RORA: variants seen among roughly 807,000 people sequenced by gnomAD.
The protein encoded by RORA is nuclear receptor ROR-alpha.
Under a neutral mutation model 69.5 loss-of-function variants are expected in RORA, and 7 were observed. That is an observed-to-expected ratio of 0.10 (90% CI 0.06 to 0.19). RORA has a LOEUF of 0.19. Among genes scored for constraint, RORA ranks in the 10% least tolerant of loss-of-function variants. RORA has a pLI of 1.00. For synonymous variants in RORA, 261 were observed against 240.8 expected, an observed-to-expected ratio of 1.08 and a Z score of -0.78; for missense variants, 457 against 663.0, an observed-to-expected ratio of 0.69 and a Z score of 3.41.
intron 1 of RORA, among the ~76,000 whole-genome samples, chr15:60,911,827 A>C (rs1256352878): frequency 6.6e-6 from 1 of 150,892 alleles, no homozygotes; most frequent in East Asian, 2.0e-4. Context: ...AGCCTCCCAA[A>C]TAGCTGGGAT....
At chr15:61,032,085 C>A (rs1328499971) in intron 1 of RORA, among the ~76,000 whole-genome samples, 1 of 152,162 alleles carries the variant, frequency 6.6e-6, no homozygotes, top group Non-Finnish European at 1.5e-5. Context: ...GCATGTATGT[C>A]AAATTCAGCA....
At chr15:61,047,954 A>G (rs1897112420) in intron 1 of RORA, among the ~76,000 whole-genome samples, 1 of 152,218 alleles carries the variant, frequency 6.6e-6, no homozygotes, top group Non-Finnish European at 1.5e-5. Flanking sequence ...GGCAAAAATG[A>G]GCAACGTTAA....
At chr15:61,210,394 C>T (rs1452565719) in intron 1 of RORA, among the ~76,000 whole-genome samples, 3 of 151,984 alleles carry the variant, frequency 2.0e-5, no homozygotes, top group Non-Finnish European at 2.9e-5. Context: ...GGCAATAAGG[C>T]GAGTCTAAGA....
At chr15:61,196,558 G>A (rs1273912914) in intron 1 of RORA, among the ~76,000 whole-genome samples, 1 of 152,212 alleles carries the variant, frequency 6.6e-6, no homozygotes, top group East Asian at 1.9e-4. Context: ...GAGTACATGA[G>A]GCTAACGCAC....
chr15:60,772,089 G>C (rs1047534731), intron 1 of RORA, among the ~76,000 whole-genome samples: 5 of 151,748 alleles, frequency 3.3e-5, no homozygotes, highest in Non-Finnish European at 7.4e-5. Flanking sequence ...TTAAGTTCTA[G>C]GATACAAGTG....
At chr15:60,736,210 T>C (rs769225858) in intron 1 of RORA, among the ~76,000 whole-genome samples, 7 of 152,134 alleles carry the variant, frequency 4.6e-5, no homozygotes, top group East Asian at 3.9e-4. Flanking sequence ...TCCCAAAGTA[T>C]CCTGGAACAG....
Position 61,229,186 on chromosome 15 carries a change from G to T in RORA, c.33C>A (p.Ala11=), listed in dbSNP as rs748153562. The T allele has an allele frequency of 1.9e-6, 3 of 1,555,294 alleles. No homozygotes were observed. Among genetic ancestry groups the T allele is most frequent in the East Asian group, 4.8e-5 (2 of 41,714 alleles). The change falls in exon 1 of 11, where the codon GCC becomes GCA. Residue 11 remains alanine, a synonymous_variant. Coordinates refer to ENST00000335670, the MANE Select transcript of RORA (RefSeq NM_134261.3). MESAPAAPDP[A]ASEPGSSGAD... ...CGCCGCTGCTGCCTGGCTCGCTGGC[G>T]GCGGGGTCGGGGGCTGCCGGAGCTG...
chr15:60,898,527 A>C (rs975979151), intron 1 of RORA, among the ~76,000 whole-genome samples: 9 of 151,106 alleles, frequency 6.0e-5, no homozygotes, highest in African/African-American at 1.9e-4. Context: ...AAATAAATAA[A>C]TAAATAAATA....
chr15:61,013,243 G>A (rs909806388), intron 1 of RORA, among the ~76,000 whole-genome samples: 1 of 152,294 alleles, frequency 6.6e-6, no homozygotes, highest in Non-Finnish European at 1.5e-5. Context: ...AATCCAGCTC[G>A]TCACATCTTC....
rs77908292 is a variant in RORA, at chr15:61,206,483, T to C, written c.166+22570A>G. Reference sequence around the variant, plus strand: ...CACGACATCCCTGTTCTCAAGGATCTCATAACTTAGCCAGAGACTCCTACA... The same window carrying C: ...CACGACATCCCTGTTCTCAAGGATCCCATAACTTAGCCAGAGACTCCTACA... On this transcript the variant is annotated intron_variant, in intron 1 of 10. Coordinates refer to ENST00000335670, the MANE Select transcript of RORA (RefSeq NM_134261.3). 7.7e-4 allele frequency among the ~76,000 whole-genome samples: 118 copies of C among 152,286 alleles called. 2 individuals carry two copies. The East Asian group carries it at 0.022, about 29-fold the overall frequency.
chr15:60,558,485 G>C, intron 2 of RORA: 1 of 525,344 alleles, frequency 1.9e-6, no homozygotes, highest in South Asian at 2.8e-5. Flanking sequence ...TTTTTGTTGG[G>C]CAGTCCTGTT....
At chr15:61,109,817 G>C (rs1328656909) in intron 1 of RORA, among the ~76,000 whole-genome samples, 1 of 152,164 alleles carries the variant, frequency 6.6e-6, no homozygotes, top group East Asian at 1.9e-4. Flanking sequence ...CTGTAAATGG[G>C]TGTGATTATA....
At chr15:61,207,929 A>G (rs1036012950) in intron 1 of RORA, among the ~76,000 whole-genome samples, 1 of 152,260 alleles carries the variant, frequency 6.6e-6, no homozygotes, top group African/African-American at 2.4e-5. Flanking sequence ...TAGTGCTTTC[A>G]CATTACTGAT....
intron 2 of RORA, among the ~76,000 whole-genome samples, chr15:60,544,210 T>C (rs771172239): frequency 6.6e-6 from 1 of 152,240 alleles, no homozygotes; most frequent in Non-Finnish European, 1.5e-5. Context: ...GAGCCAGTCC[T>C]GCTGTATTAC....
intron 1 of RORA, among the ~76,000 whole-genome samples, chr15:60,969,489 A>G (rs755395423): frequency 2.6e-5 from 4 of 152,228 alleles, no homozygotes; most frequent in African/African-American, 7.2e-5. Flanking sequence ...CAAAGCACCT[A>G]TATTCAAAGG....
At chr15:60,759,179 T>A (rs1003466874) in intron 1 of RORA, among the ~76,000 whole-genome samples, 1 of 152,218 alleles carries the variant, frequency 6.6e-6, no homozygotes, top group African/African-American at 2.4e-5. Flanking sequence ...TATGGCCTCA[T>A]GTAACAAAAA....
intron 1 of RORA, among the ~76,000 whole-genome samples, chr15:60,924,529 G>A (rs1173949427): frequency 6.6e-6 from 1 of 151,454 alleles, no homozygotes; most frequent in Non-Finnish European, 1.5e-5. Flanking sequence ...CTGCTCATCC[G>A]ATTTAATGTA....
intron 2 of RORA, among the ~76,000 whole-genome samples, chr15:60,671,644 C>A (rs2070474485): frequency 6.6e-6 from 1 of 151,886 alleles, no homozygotes; most frequent in East Asian, 2.0e-4. Flanking sequence ...CAGACTCTCA[C>A]TCCATCACCC....
intron 1 of RORA, among the ~76,000 whole-genome samples, chr15:61,160,475 T>C (rs2079485102): frequency 1.3e-5 from 2 of 152,222 alleles, no homozygotes. Flanking sequence ...AATATGTTTA[T>C]TCTTATTAGA....
Sources: gnomAD v4.1 joint callset for allele counts (sites outside exome capture counted in the v4.1 genomes callset) on GRCh38, gnomAD v4.1.1 for gene constraint, MANE v1.5 for transcripts, NCBI Gene and HGNC (gene_info 2026-07-23, HGNC 2026-07-21) for gene names.